The following PPME1 variants were observed in gnomAD, a reference collection of about 807,000 sequenced individuals.
PPME1 encodes the protein testicular secretory protein Li 39.
Under a neutral mutation model 56.9 loss-of-function variants are expected in PPME1, and 17 were observed. The observed-to-expected ratio is 0.30, with a 90% confidence interval of 0.20 to 0.45. The LOEUF (loss-of-function observed/expected upper bound fraction) is 0.45. Ranked by LOEUF, PPME1 falls within the 20% of genes least tolerant of loss-of-function variation. The probability of loss-of-function intolerance (pLI) is 1.00; values close to 1 mark genes in which losing one functional copy is unlikely to be tolerated. For missense variants in PPME1, 357 were observed against 483.2 expected (o/e 0.74, Z 2.45); for synonymous variants, 122 against 156.2 (o/e 0.78, Z 1.63).
intron 3 of PPME1, among the ~76,000 whole-genome samples, chr11:74,213,106 G>T (rs549742820): frequency 3.9e-4 from 60 of 152,260 alleles, no homozygotes; most frequent in African/African-American, 1.4e-3. Context: ...GGGGACCACT[G>T]CCCTGAAGAG....
At chr11:74,196,598 A>G (rs1857987614) in intron 1 of PPME1, among the ~76,000 whole-genome samples, 1 of 152,168 alleles carries the variant, frequency 6.6e-6, no homozygotes, top group Non-Finnish European at 1.5e-5. Flanking sequence ...TCACTCAAGA[A>G]AGAATTCAGG....
At chr11:74,240,257 G>T (rs562040202) in intron 9 of PPME1, among the ~76,000 whole-genome samples, 3 of 152,156 alleles carry the variant, frequency 2.0e-5, no homozygotes, top group African/African-American at 7.2e-5. Flanking sequence ...ATGGTCCTTT[G>T]CTAGTCATCT....
chr11:74,227,616 A>T (rs1858964269), intron 5 of PPME1, among the ~76,000 whole-genome samples: 1 of 152,192 alleles, frequency 6.6e-6, no homozygotes, highest in African/African-American at 2.4e-5. Context: ...AATGCTTCTC[A>T]GAAAATTAAC....
intron 3 of PPME1, among the ~76,000 whole-genome samples, chr11:74,207,738 T>A (rs1858363074): frequency 6.6e-6 from 1 of 152,142 alleles, no homozygotes; most frequent in South Asian, 2.1e-4. Flanking sequence ...AAGCAGAAAC[T>A]GAAGTTTGGC....
chr11:74,221,478 G>A (rs566240008), intron 3 of PPME1, among the ~76,000 whole-genome samples: 1 of 152,166 alleles, frequency 6.6e-6, no homozygotes, highest in African/African-American at 2.4e-5. Context: ...GATTTACGTT[G>A]ACTTTTATAT....
intron 1 of PPME1, among the ~76,000 whole-genome samples, chr11:74,197,788 G>T (rs151091873): frequency 1.3e-5 from 2 of 152,162 alleles, no homozygotes; most frequent in South Asian, 4.1e-4. Context: ...TTTGGGATTC[G>T]TAGATAGGTT....
Position 74,239,114 on chromosome 11 carries a change from CT to C in PPME1, c.711-13del. 6.2e-7 allele frequency: 1 copy of C among 1,606,060 alleles called. No individual in the cohort carries two copies. The highest frequency in any genetic ancestry group is 8.5e-7 in the Non-Finnish European group (1 of 1,176,956). On this transcript the variant is annotated intron_variant, in intron 8 of 13. Coordinates refer to ENST00000328257, the MANE Select transcript of PPME1 (RefSeq NM_016147.3). ...TATTGGAAAGAGGTGTGTAATAGCA[CT>C]TTTTTAAAAAAACCTAGGTGTGAAG...
chr11:74,253,809 T>A lies in PPME1; in HGVS notation c.*299T>A, dbSNP rs1039812072. On this transcript the variant is annotated 3_prime_UTR_variant, in exon 14 of 14. Coordinates refer to ENST00000328257, the MANE Select transcript of PPME1 (RefSeq NM_016147.3). ...GTTGCCTAGGGTAAAGCCTCCAGATTTGCCATACTGAGCCCCTCTTCCTAG... is the reference window on the plus strand; with the variant it reads ...GTTGCCTAGGGTAAAGCCTCCAGATATGCCATACTGAGCCCCTCTTCCTAG... 19 of 530,280 alleles carry A rather than the reference T, an allele frequency of 3.6e-5. No homozygotes were observed. Among genetic ancestry groups the A allele is most frequent in the Non-Finnish European group, 6.0e-5 (18 of 298,594 alleles). The allele number at this position is 530,280 out of a possible 1,614,324, so 32.8% of individuals were successfully genotyped here. A position where few individuals can be genotyped will look rare whatever the true frequency, so the allele number is the denominator to read the frequency against.
At chr11:74,232,791 T>C (rs569336013) in intron 7 of PPME1, among the ~76,000 whole-genome samples, 33 of 151,210 alleles carry the variant, frequency 2.2e-4, no homozygotes, top group Admixed American at 2.0e-3. Flanking sequence ...GCGATCCTCC[T>C]GCCTCAGCCA....
At chr11:74,217,647 TACATC>T (rs1565387188) in intron 3 of PPME1, among the ~76,000 whole-genome samples, 1 of 151,190 alleles carries the variant, frequency 6.6e-6, no homozygotes, top group Non-Finnish European at 1.5e-5. Context: ...ATCAGTGTGA[TACATC>T]ATATCAACAG....
At chr11:74,193,228 A>G (rs1482173175) in intron 1 of PPME1, among the ~76,000 whole-genome samples, 1 of 152,264 alleles carries the variant, frequency 6.6e-6, no homozygotes, top group East Asian at 1.9e-4. Flanking sequence ...AAGTTCAATC[A>G]GGAATGATGG....
At chr11:74,189,357 A>ATGGCTCACTGCAGCCT (rs1250249094) in intron 1 of PPME1, among the ~76,000 whole-genome samples, 1 of 152,172 alleles carries the variant, frequency 6.6e-6, no homozygotes, top group Admixed American at 6.5e-5. Context: ...TGGCGTGATC[A>ATGGCTCACTGCAGCCT]TGGCTCACTG....
At chr11:74,246,606 T>A (rs985159360) in intron 10 of PPME1, among the ~76,000 whole-genome samples, 5 of 152,216 alleles carry the variant, frequency 3.3e-5, no homozygotes, top group African/African-American at 1.2e-4. Context: ...TGTTGGTATA[T>A]TGTCATCTCA....
rs1370292761 is a variant in PPME1, at chr11:74,202,205, G to T, written c.102-1523G>T. ...GAACTCCTCTGTCATTCCAAATCAT[G>T]TACTCTATCTTTATATTTATAGTGC... On this transcript the variant is annotated intron_variant, in intron 1 of 13. Coordinates refer to ENST00000328257, the MANE Select transcript of PPME1 (RefSeq NM_016147.3). Among the ~76,000 whole-genome samples the T allele has an allele frequency of 2.0e-5, 3 of 152,282 alleles. No individual in the cohort carries two copies. The East Asian group carries it at 5.8e-4, about 29-fold the overall frequency.
intron 1 of PPME1, among the ~76,000 whole-genome samples, chr11:74,175,792 G>A (rs982479508): frequency 7.2e-5 from 11 of 152,270 alleles, no homozygotes; most frequent in African/African-American, 2.4e-4. Context: ...TAGGGCAGGA[G>A]TTAATATTTT....
chr11:74,245,420 G>T (rs1207161748), intron 9 of PPME1, among the ~76,000 whole-genome samples: 1 of 151,926 alleles, frequency 6.6e-6, no homozygotes, highest in Non-Finnish European at 1.5e-5. Flanking sequence ...AAAATATAGA[G>T]AATTATTTAT....
intron 9 of PPME1, among the ~76,000 whole-genome samples, chr11:74,239,883 G>A (rs1411456015): frequency 6.6e-6 from 1 of 151,600 alleles, no homozygotes; most frequent in Admixed American, 6.6e-5. Flanking sequence ...CCCGGCCTAA[G>A]CTCATGCAGA....
intron 5 of PPME1, among the ~76,000 whole-genome samples, chr11:74,228,236 T>C (rs1858979344): frequency 6.6e-6 from 1 of 152,144 alleles, no homozygotes; most frequent in African/African-American, 2.4e-5. Context: ...GTCTGTTATT[T>C]TAATATGCAG....
At chr11:74,223,204 G>A (rs1313167366) in intron 4 of PPME1, among the ~76,000 whole-genome samples, 1 of 149,410 alleles carries the variant, frequency 6.7e-6, no homozygotes, top group Non-Finnish European at 1.5e-5. Context: ...TTGGTTTTTT[G>A]TGCTTGCGAT....
Sources: gnomAD v4.1 joint callset for allele counts (sites outside exome capture counted in the v4.1 genomes callset) on GRCh38, gnomAD v4.1.1 for gene constraint, MANE v1.5 for transcripts, NCBI Gene and HGNC (gene_info 2026-07-23, HGNC 2026-07-21) for gene names.